Variants in BCAT1 observed in about 807,000 individuals in gnomAD.
BCAT1 encodes branched chain amino acid transaminase 1.
In BCAT1, 48 loss-of-function variants were observed where a neutral mutation model predicts 52.4. The ratio of observed to expected loss-of-function variants is 0.92; its 90% CI spans 0.73 to 1.16. BCAT1 has a LOEUF of 1.16. Ranked by LOEUF, BCAT1 falls within the 50% of genes most tolerant of loss-of-function variation. BCAT1 has a pLI of 0.00. For synonymous variants in BCAT1, 167 were observed against 161.3 expected (o/e 1.04, Z -0.27); for missense variants, 451 against 457.1 (o/e 0.99, Z 0.12).
intron 3 of BCAT1, among the ~76,000 whole-genome samples, chr12:24,890,872 T>A (rs1386395502): frequency 6.6e-6 from 1 of 152,188 alleles, no homozygotes; most frequent in East Asian, 1.9e-4. Context: ...AATTCTTTCT[T>A]GTGCAACATC....
At chr12:24,866,394 G>A (rs988530921) in intron 5 of BCAT1, among the ~76,000 whole-genome samples, 8 of 152,216 alleles carry the variant, frequency 5.3e-5, no homozygotes, top group Admixed American at 6.5e-5. Flanking sequence ...CACCGCTGTG[G>A]GATCCTGTGC....
At chr12:24,896,255 A>G (rs1942958077) in intron 2 of BCAT1, among the ~76,000 whole-genome samples, 1 of 152,206 alleles carries the variant, frequency 6.6e-6, no homozygotes, top group Non-Finnish European at 1.5e-5. Context: ...AATTATTTTT[A>G]TCTTTGAATC....
chr12:24,829,151 A>G (rs901947289), intron 10 of BCAT1, among the ~76,000 whole-genome samples: 3 of 152,172 alleles, frequency 2.0e-5, no homozygotes, highest in Non-Finnish European at 4.4e-5. Context: ...TAGGAGGCCA[A>G]GGCAGGTGGA....
intron 5 of BCAT1, among the ~76,000 whole-genome samples, chr12:24,864,642 CATA>C (rs936552515): frequency 1.3e-5 from 2 of 151,572 alleles, no homozygotes; most frequent in Non-Finnish European, 2.9e-5. Context: ...AGAGATATGC[CATA>C]ATATCTCCCA....
chr12:24,902,081 C>A, intron 1 of BCAT1, 196 bp from the exon 2 acceptor site: 1 of 1,492,054 alleles, frequency 6.7e-7, no homozygotes, highest in Non-Finnish European at 8.9e-7. Flanking sequence ...CCCTGCACTT[C>A]CCACCCTGCC....
intron 1 of BCAT1, chr12:24,902,335 G>T (rs1326903188): frequency 4.1e-6 from 5 of 1,219,190 alleles, no homozygotes; most frequent in Middle Eastern, 3.3e-4. Flanking sequence ...GAACGGGGAC[G>T]GGCGTGAACC....
intron 1 of BCAT1, among the ~76,000 whole-genome samples, chr12:24,929,317 T>C (rs1943644512): frequency 6.6e-6 from 1 of 152,206 alleles, no homozygotes; most frequent in African/African-American, 2.4e-5. Flanking sequence ...CTGACCCTTT[T>C]GATTATTTTA....
intron 5 of BCAT1, among the ~76,000 whole-genome samples, chr12:24,876,260 T>TG (rs1555109532): frequency 9.1e-6 from 1 of 109,904 alleles, no homozygotes; most frequent in African/African-American, 3.5e-5. Context: ...GAGGGAGATG[T>TG]AAAAAAAAAA....
chr12:24,930,633 A>G (rs1377718234), intron 1 of BCAT1, among the ~76,000 whole-genome samples: 1 of 151,934 alleles, frequency 6.6e-6, no homozygotes, highest in East Asian at 1.9e-4. Flanking sequence ...TCACTTTTTT[A>G]CCTCTTCCAG....
At chr12:24,936,448 G>T (rs1943754552) in intron 1 of BCAT1, among the ~76,000 whole-genome samples, 1 of 152,144 alleles carries the variant, frequency 6.6e-6, no homozygotes, top group Non-Finnish European at 1.5e-5. Context: ...GGCCAGGCTA[G>T]TCTCAAACTC....
At chr12:24,878,891 T>C (rs1233718255) in intron 4 of BCAT1, among the ~76,000 whole-genome samples, 1 of 152,168 alleles carries the variant, frequency 6.6e-6, no homozygotes, top group African/African-American at 2.4e-5. Flanking sequence ...TAAATATGTA[T>C]AATTTATGGT....
At chr12:24,866,248 C>A (rs924779941) in intron 5 of BCAT1, among the ~76,000 whole-genome samples, 1 of 152,202 alleles carries the variant, frequency 6.6e-6, no homozygotes, top group Non-Finnish European at 1.5e-5. Context: ...TGCACCGGGT[C>A]CCCCAGCAGT....
intron 6 of BCAT1, among the ~76,000 whole-genome samples, chr12:24,842,580 C>T (rs1941208088): frequency 6.6e-6 from 1 of 152,144 alleles, no homozygotes; most frequent in African/African-American, 2.4e-5. Flanking sequence ...TTAAATCTCA[C>T]ACCAATACTA....
intron 3 of BCAT1, among the ~76,000 whole-genome samples, chr12:24,888,788 GT>G (rs1942755659): frequency 6.6e-6 from 1 of 152,162 alleles, no homozygotes; most frequent in Non-Finnish European, 1.5e-5. Flanking sequence ...CCTCAGTAAG[GT>G]TTTTGTTTTA....
At chr12:24,845,490 T>TA (rs1941316915) in intron 6 of BCAT1, among the ~76,000 whole-genome samples, 1 of 152,256 alleles carries the variant, frequency 6.6e-6, no homozygotes, top group Non-Finnish European at 1.5e-5. Flanking sequence ...TTTTTAATAA[T>TA]GAGTATAAAC....
intron 5 of BCAT1, among the ~76,000 whole-genome samples, chr12:24,866,940 G>A (rs556320074): frequency 4.6e-5 from 7 of 152,208 alleles, no homozygotes; most frequent in South Asian, 2.1e-4. Flanking sequence ...TTGTTCTCTC[G>A]CTCTTTGCAG....
intron 1 of BCAT1, among the ~76,000 whole-genome samples, chr12:24,925,793 T>C (rs1290166773): frequency 6.6e-6 from 1 of 152,238 alleles, no homozygotes; most frequent in Non-Finnish European, 1.5e-5. Flanking sequence ...GGTTTCGCTG[T>C]GTTGGCCGGG....
chr12:24,886,977 C>T (rs1343897367), intron 3 of BCAT1, among the ~76,000 whole-genome samples: 3 of 146,144 alleles, frequency 2.1e-5, no homozygotes, highest in Admixed American at 1.4e-4. Context: ...GCAGGAGAAT[C>T]GCTTGAACCC....
intron 5 of BCAT1, among the ~76,000 whole-genome samples, chr12:24,878,107 T>C (rs986447976): frequency 2.6e-5 from 4 of 151,662 alleles, no homozygotes; most frequent in Non-Finnish European, 4.4e-5. Flanking sequence ...TCAGCCGTGA[T>C]TGCATCACTG....
Sources: gnomAD v4.1 joint callset for allele counts (sites outside exome capture counted in the v4.1 genomes callset) on GRCh38, gnomAD v4.1.1 for gene constraint, MANE v1.5 for transcripts, NCBI Gene and HGNC (gene_info 2026-07-23, HGNC 2026-07-21) for gene names.